Variants in PALLD observed in about 807,000 individuals in gnomAD.
PALLD encodes palladin, cytoskeletal associated protein.
In PALLD, 61 loss-of-function variants were observed where a neutral mutation model predicts 123.5. The ratio of observed to expected loss-of-function variants is 0.49; its 90% CI spans 0.40 to 0.61. The LOEUF (loss-of-function observed/expected upper bound fraction) is 0.61. Ranked by LOEUF, PALLD falls within the 20% of genes least tolerant of loss-of-function variation. The pLI, the probability that PALLD is intolerant of heterozygous loss-of-function variation, is 0.00. For synonymous variants in PALLD, 465 were observed against 496.4 expected (o/e 0.94, Z 0.84); for missense variants, 1,273 against 1,377.0 (o/e 0.92, Z 1.20).
intron 18 of PALLD, among the ~76,000 whole-genome samples, chr4:168,922,102 TACACACACAC>T (rs35503011): frequency 8.4e-4 from 111 of 132,626 alleles, no homozygotes; most frequent in Admixed American, 3.2e-3. Flanking sequence ...TATATATATA[TACACACACAC>T]ACACACACAC....
intron 2 of PALLD, among the ~76,000 whole-genome samples, chr4:168,575,394 C>T (rs888584332): frequency 4.0e-5 from 6 of 151,848 alleles, no homozygotes; most frequent in African/African-American, 1.4e-4. Context: ...GAGGATCTGT[C>T]AAACACTTAT....
chr4:168,791,173 C>T (rs1221506562), intron 10 of PALLD, among the ~76,000 whole-genome samples: 1 of 152,192 alleles, frequency 6.6e-6, no homozygotes, highest in Non-Finnish European at 1.5e-5. Flanking sequence ...ACCTTTCTCT[C>T]CTCTGCACAG....
chr4:168,706,288 C>T (rs554541185), intron 8 of PALLD, among the ~76,000 whole-genome samples: 15 of 152,158 alleles, frequency 9.9e-5, no homozygotes, highest in African/African-American at 3.6e-4. Flanking sequence ...TTACTTTTAC[C>T]TCAACTAAAT....
At chr4:168,584,657 T>G (rs1283170749) in intron 2 of PALLD, among the ~76,000 whole-genome samples, 1 of 152,200 alleles carries the variant, frequency 6.6e-6, no homozygotes, top group Admixed American at 6.5e-5. Context: ...GTCTTCTATT[T>G]CAATCTGTGG....
intron 17 of PALLD, among the ~76,000 whole-genome samples, chr4:168,917,811 T>C: frequency 6.6e-6 from 1 of 152,182 alleles, no homozygotes; most frequent in East Asian, 1.9e-4. Flanking sequence ...TATATATATA[T>C]GAGTGTGTAT....
At chr4:168,757,591 C>A (rs1732062592) in intron 10 of PALLD, among the ~76,000 whole-genome samples, 2 of 152,210 alleles carry the variant, frequency 1.3e-5, no homozygotes, top group Admixed American at 6.5e-5. Flanking sequence ...AGAACGAAAT[C>A]TCAGGACAGT....
intron 10 of PALLD, among the ~76,000 whole-genome samples, chr4:168,826,277 G>A (rs1448177009): frequency 2.0e-5 from 3 of 152,256 alleles, no homozygotes; most frequent in East Asian, 1.9e-4. Context: ...CTGACTATGC[G>A]CAATAAAACT....
At chr4:168,895,837 T>C (rs1031250651) in intron 12 of PALLD, among the ~76,000 whole-genome samples, 1 of 152,264 alleles carries the variant, frequency 6.6e-6, no homozygotes, top group Non-Finnish European at 1.5e-5. Context: ...TTCTTTCACA[T>C]ATATACAGAT....
chr4:168,662,111 G>C (rs1159449858), intron 2 of PALLD, among the ~76,000 whole-genome samples: 1 of 152,100 alleles, frequency 6.6e-6, no homozygotes. Flanking sequence ...AAATTTATCA[G>C]AAGTTCAGAA....
chr4:168,562,688 A>C lies in PALLD; in HGVS notation c.908+50276A>C, dbSNP rs951437595. On this transcript the variant is annotated intron_variant, in intron 2 of 21. Transcript: ENST00000505667. ...AAAGGCACTGAAATGGGAATGAGAC[A>C]GGCATGTTTGAAGAGAGGGAAGGAG... is the stretch of plus-strand genomic sequence containing the variant. Among the ~76,000 whole-genome samples the C allele has an allele frequency of 7.2e-5, 11 of 152,126 alleles. 1 individual carries two copies. The highest frequency in any genetic ancestry group is 2.7e-4 in the African/African-American group (11 of 41,434).
intron 2 of PALLD, among the ~76,000 whole-genome samples, chr4:168,603,847 AAC>A (rs1772912773): frequency 6.6e-6 from 1 of 152,230 alleles, no homozygotes; most frequent in African/African-American, 2.4e-5. Context: ...ACAAAAATTA[AAC>A]AGTTCTTTTT....
rs542674997 is a variant in PALLD, at chr4:168,557,272, G to C, written c.908+44860G>C. Among the ~76,000 whole-genome samples the C allele has an allele frequency of 2.0e-5, 3 of 152,232 alleles. No homozygotes were observed. In the South Asian group the frequency reaches 6.2e-4, roughly 32 times the overall value. On this transcript the variant is annotated intron_variant, in intron 2 of 21. Transcript: ENST00000505667. ...TTGGCCAGTCTGGTCTCAAACTCGT[G>C]ACCTCAGGTGATCTGCCCATCTCAG...
chr4:168,508,454 G>A (rs977807978), intron 1 of PALLD, among the ~76,000 whole-genome samples: 1 of 152,036 alleles, frequency 6.6e-6, no homozygotes, highest in Non-Finnish European at 1.5e-5. Flanking sequence ...ACTTCGAGTG[G>A]GTAATTCTGG....
chr4:168,832,101 A>AGCCCGCTGCAGC (rs569216252), intron 10 of PALLD: 20,405 of 985,174 alleles, frequency 0.021, 263 homozygotes, highest in Non-Finnish European at 0.023. Flanking sequence ...CGGTCCGCGG[A>AGCCCGCTGCAGC]GCCCGCTGCA....
At chr4:168,604,167 T>G (rs1037151253) in intron 2 of PALLD, among the ~76,000 whole-genome samples, 3 of 152,162 alleles carry the variant, frequency 2.0e-5, no homozygotes, top group African/African-American at 7.2e-5. Flanking sequence ...CTGTAGAAGC[T>G]GAGAGGTTAG....
At chr4:168,846,610 T>A (rs1434187307) in intron 10 of PALLD, among the ~76,000 whole-genome samples, 6 of 152,174 alleles carry the variant, frequency 3.9e-5, no homozygotes, top group Non-Finnish European at 8.8e-5. Context: ...GTCATGGTAG[T>A]GAGATGTAAC....
chr4:168,858,811 C>G (rs1749005820), intron 10 of PALLD, among the ~76,000 whole-genome samples: 1 of 151,722 alleles, frequency 6.6e-6, no homozygotes, highest in South Asian at 2.1e-4. Flanking sequence ...AAAAAAAATC[C>G]AGAGTGGGCT....
intron 8 of PALLD, among the ~76,000 whole-genome samples, chr4:168,694,823 A>G (rs530410064): frequency 6.6e-6 from 1 of 152,356 alleles, no homozygotes; most frequent in South Asian, 2.1e-4. Context: ...TGTTTTGTGA[A>G]TTAATAGCTA....
At chr4:168,921,874 A>G (rs181992383) in intron 18 of PALLD, 133 bp downstream of exon 18, 7 of 768,460 alleles carry the variant, frequency 9.1e-6, no homozygotes, top group Admixed American at 6.0e-5. Context: ...AAAATAGCCA[A>G]TGAGGACATG....
Sources: gnomAD v4.1 joint callset for allele counts (sites outside exome capture counted in the v4.1 genomes callset) on GRCh38, gnomAD v4.1.1 for gene constraint, MANE v1.5 for transcripts, NCBI Gene and HGNC (gene_info 2026-07-23, HGNC 2026-07-21) for gene names.